MPND: variants seen among roughly 807,000 people sequenced by gnomAD.
MPND encodes MPN domain containing.
In MPND, 56 loss-of-function variants were observed where a neutral mutation model predicts 59.2. The observed-to-expected ratio is 0.95, with a 90% CI of 0.76 to 1.18. MPND has a LOEUF of 1.18. Ranked by LOEUF, MPND falls within the 50% of genes most tolerant of loss-of-function variation. The pLI, the probability that MPND is intolerant of heterozygous loss-of-function variation, is 0.00. For synonymous variants in MPND, 323 were observed against 291.9 expected (o/e 1.11, Z -1.09); for missense variants, 671 against 676.0 (o/e 0.99, Z 0.08).
At chr19:4,350,752 C>T (rs1243149403) in intron 3 of MPND, among the ~76,000 whole-genome samples, 1 of 152,092 alleles carries the variant, frequency 6.6e-6, no homozygotes, top group Non-Finnish European at 1.5e-5. Flanking sequence ...CATAGAGAGG[C>T]AGCTGGGCCC....
intron 4 of MPND, 134 bp from the exon 5 acceptor site, chr19:4,353,911 C>A: frequency 1.4e-6 from 1 of 716,382 alleles, no homozygotes; most frequent in Non-Finnish European, 2.4e-6. Context: ...TCCCTGCAGC[C>A]TCAACCTCCC....
At chr19:4,356,633 ATTC>A (rs1240010558) in intron 8 of MPND, 5 of 136,700 alleles carry the variant, frequency 3.7e-5, no homozygotes, top group Non-Finnish European at 6.2e-5. Flanking sequence ...GCCAGTTGCT[ATTC>A]TTTTTTTTTT....
rs771022819 is a variant in MPND at position 4,355,157 on chromosome 19, C to T, written c.980C>T (p.Ala327Val). 162 of 1,613,060 alleles carry T rather than the reference C, an allele frequency of 1.0e-4. No homozygotes were observed. The highest frequency in any genetic ancestry group is 2.0e-4 in the Admixed American group (12 of 59,984). Residue 327 changes from alanine (A) to valine (V), a missense_variant, in exon 8 of 13, where the codon GCT becomes GTT. Physicochemically the swap from Ala to Val is moderately conservative, Grantham distance 64 (BLOSUM62 0). Coordinates refer to ENST00000599840, the MANE Select transcript of MPND (RefSeq NM_001300862.2). ...RSRLGDAETA[A>V]AIEEEIYQSL... The stretch of plus-strand genomic sequence containing the variant: ...CGGCTCGGGGACGCAGAGACTGCAG[C>T]TGCCATCGAAGAGGAGGTGAGGGGC...
chr19:4,354,496 T>C, intron 6 of MPND, 76 bp downstream of exon 6: 1 of 1,179,122 alleles, frequency 8.5e-7, no homozygotes, highest in South Asian at 1.3e-5. Context: ...CTCCCCTGCG[T>C]ATCAGCTCCA....
At chr19:4,349,881 CA>C (rs1972275880) in intron 3 of MPND, among the ~76,000 whole-genome samples, 1 of 152,204 alleles carries the variant, frequency 6.6e-6, no homozygotes, top group African/African-American at 2.4e-5. Context: ...AATGCCATCG[CA>C]GTAATGCCTA....
At chr19:4,359,034 C>A (rs1260688675) in intron 11 of MPND, 129 bp from the exon 12 acceptor site, 5 of 637,130 alleles carry the variant, frequency 7.8e-6, no homozygotes, top group Non-Finnish European at 1.4e-5. Context: ...CACTCGTGAT[C>A]TCTTTGTGGT....
At chr19:4,348,569 C>T (rs1972242740) in intron 3 of MPND, 1 of 151,280 alleles carries the variant, frequency 6.6e-6, no homozygotes, top group Non-Finnish European at 1.5e-5. Context: ...TAAATTTCTT[C>T]TTAAACACCT....
At chr19:4,359,051 G>A in intron 11 of MPND, 112 bp from the exon 12 acceptor site, 1 of 699,138 alleles carries the variant, frequency 1.4e-6, no homozygotes. Flanking sequence ...TGGTTGGTTT[G>A]TTAGTGATGG....
Position 4,358,185 on chromosome 19 carries a change from C to T in MPND, c.1326+13C>T, listed in dbSNP as rs191946555. 1,145 of 1,549,640 alleles carry T rather than the reference C, an allele frequency of 7.4e-4. 5 individuals are homozygous for T. The Admixed American group carries it at 0.017, about 23-fold the overall frequency. On this transcript the variant is annotated intron_variant, in intron 11 of 12. Transcript: ENST00000599840. Reference sequence around the variant, plus strand: ...CCTTCACGAGATGGTGAGCTCGCTGCGGGGCGGGCAGGCAGGGGCTGGCAG... The same window carrying T: ...CCTTCACGAGATGGTGAGCTCGCTGTGGGGCGGGCAGGCAGGGGCTGGCAG...
At chr19:4,354,805 G>T in intron 6 of MPND, 144 bp from the exon 7 acceptor site, 1 of 784,410 alleles carries the variant, frequency 1.3e-6, no homozygotes, top group Non-Finnish European at 2.0e-6. Context: ...CGGAGGTTGC[G>T]GTGAGCCAAG....
intron 8 of MPND, among the ~76,000 whole-genome samples, chr19:4,355,484 T>C (rs528958200): frequency 2.8e-4 from 43 of 152,192 alleles, no homozygotes; most frequent in Non-Finnish European, 5.0e-4. Context: ...TACAGGTGCC[T>C]GCCACCACGC....
intron 3 of MPND, among the ~76,000 whole-genome samples, chr19:4,352,363 C>T (rs1972338118): frequency 6.6e-6 from 1 of 152,164 alleles, no homozygotes; most frequent in African/African-American, 2.4e-5. Context: ...ATGGTGCTCA[C>T]CAAAGGTTGC....
In MPND at chr19:4,357,300, C is replaced by A; in HGVS notation, c.1044C>A (p.Tyr348Ter). The A allele has an allele frequency of 6.2e-7, 1 of 1,612,840 alleles. No individual in the cohort carries two copies. Among genetic ancestry groups the A allele is most frequent in the Non-Finnish European group, 8.5e-7 (1 of 1,179,772 alleles). The change falls in exon 9 of 13, where the codon TAC becomes TAA. Residue 348 changes from tyrosine (Y) to a stop codon, truncating the protein, a stop_gained. Transcript: ENST00000599840. LOFTEE classifies it high-confidence loss of function. ...FLRGLSLVGW[Y>*]HSHPHSPALP... ...GGGGCCTGTCCCTGGTGGGCTGGTA[C>A]CACAGCCACCCACACAGCCCGGCGC...
In MPND at chr19:4,357,240, C is replaced by T. The variant is rs765056776; in HGVS notation, c.997-13C>T. On this transcript the variant is annotated splice_polypyrimidine_tract_variant and intron_variant, in intron 8 of 12. Coordinates refer to ENST00000599840, the MANE Select transcript of MPND (RefSeq NM_001300862.2). ...AGGCCCCTGTGCCCGCTGAGCTGCGCCTCTGTCCCCAGATCTACCAGAGCC... is the reference window on the plus strand; with the variant it reads ...AGGCCCCTGTGCCCGCTGAGCTGCGTCTCTGTCCCCAGATCTACCAGAGCC... 2 of 1,575,714 alleles carry T rather than the reference C, an allele frequency of 1.3e-6. No homozygotes were observed. Among genetic ancestry groups the T allele is most frequent in the South Asian group, 1.2e-5 (1 of 86,218 alleles).
chr19:4,355,556 C>T (rs1972420229), intron 8 of MPND, among the ~76,000 whole-genome samples: 3 of 152,024 alleles, frequency 2.0e-5, no homozygotes, highest in African/African-American at 4.8e-5. Context: ...AGGATGGTCT[C>T]GATCCCCTGA....
intron 3 of MPND, among the ~76,000 whole-genome samples, chr19:4,346,621 T>C (rs1972192333): frequency 6.6e-6 from 1 of 152,044 alleles, no homozygotes; most frequent in African/African-American, 2.4e-5. Flanking sequence ...TTCACCATGT[T>C]GCCTAGGCTG....
At chr19:4,345,601 G>C in intron 2 of MPND, 144 bp from the exon 3 acceptor site, 1 of 713,578 alleles carries the variant, frequency 1.4e-6, no homozygotes, top group South Asian at 1.8e-5. Context: ...CAGGCACTGA[G>C]GAGGCCCTGC....
intron 2 of MPND, 56 bp from the exon 3 acceptor site, chr19:4,345,689 G>A (rs1972169914): frequency 1.6e-5 from 25 of 1,552,086 alleles, no homozygotes; most frequent in Non-Finnish European, 2.2e-5. Flanking sequence ...GACCCCCCGG[G>A]AGAGAGGGCA....
chr19:4,346,128 C>G, intron 3 of MPND, 147 bp downstream of exon 3: 1 of 698,596 alleles, frequency 1.4e-6, no homozygotes, highest in Non-Finnish European at 2.4e-6. Context: ...CTCCTCCATC[C>G]CTCCAGGGCT....
Sources: allele counts gnomAD v4.1 joint callset (sites outside exome capture counted in the v4.1 genomes callset), GRCh38; gene constraint gnomAD v4.1.1; transcripts MANE v1.5; gene names NCBI Gene and HGNC (gene_info 2026-07-23, HGNC 2026-07-21).